The following USP25 variants were observed in gnomAD, a reference collection of about 807,000 sequenced individuals.
The protein encoded by USP25 is ubiquitin carboxyl-terminal hydrolase 25.
A neutral mutation model predicts 158.5 loss-of-function variants in USP25; 85 were observed. That is an observed-to-expected ratio of 0.54 (90% CI 0.45 to 0.64). USP25 has a LOEUF of 0.64. Among genes scored for constraint, USP25 ranks in the 30% least tolerant of loss-of-function variants. The pLI, the probability that USP25 is intolerant of heterozygous loss-of-function variation, is 0.00. For synonymous variants in USP25, 464 were observed against 460.4 expected (o/e 1.01, Z -0.10); for missense variants, 1,242 against 1,327.3 (o/e 0.94, Z 1.00).
chr21:15,804,940 CTTT>C (rs1247910089), intron 6 of USP25, among the ~76,000 whole-genome samples, 178 bp from the exon 7 acceptor site: 1 of 152,178 alleles, frequency 6.6e-6, no homozygotes, highest in Middle Eastern at 3.4e-3. Flanking sequence ...TGCTGGACTT[CTTT>C]GAGTCTCTTA....
chr21:15,751,211 G>T (rs1172132710), intron 1 of USP25, among the ~76,000 whole-genome samples: 1 of 152,168 alleles, frequency 6.6e-6, no homozygotes, highest in East Asian at 1.9e-4. Context: ...GGATGGCAGA[G>T]CAGTTTATAG....
At chr21:15,824,384 G>T (rs1285080351) in intron 11 of USP25, among the ~76,000 whole-genome samples, 1 of 152,068 alleles carries the variant, frequency 6.6e-6, no homozygotes, top group African/African-American at 2.4e-5. Flanking sequence ...GATGAATTTT[G>T]TAATCTTAAA....
chr21:15,854,472 C>T (rs1337700358), intron 20 of USP25, among the ~76,000 whole-genome samples: 1 of 151,936 alleles, frequency 6.6e-6, no homozygotes, highest in Non-Finnish European at 1.5e-5. Flanking sequence ...AATATCTCTT[C>T]TGTCCTGCCA....
intron 3 of USP25, among the ~76,000 whole-genome samples, chr21:15,771,427 A>G (rs1355076463): frequency 6.6e-6 from 1 of 152,168 alleles, no homozygotes; most frequent in Non-Finnish European, 1.5e-5. Flanking sequence ...GTATTTGTAC[A>G]GATACCTGAG....
intron 22 of USP25, among the ~76,000 whole-genome samples, chr21:15,867,425 A>G (rs972896146): frequency 1.1e-4 from 16 of 152,132 alleles, no homozygotes; most frequent in African/African-American, 3.9e-4. Flanking sequence ...TAAGGTAACT[A>G]CCTTAATTCA....
intron 5 of USP25, among the ~76,000 whole-genome samples, chr21:15,793,807 A>G (rs1307701048): frequency 2.6e-5 from 4 of 151,686 alleles, no homozygotes; most frequent in Admixed American, 6.6e-5. Flanking sequence ...TTTTATGGTA[A>G]TTTTAAAATC....
intron 3 of USP25, among the ~76,000 whole-genome samples, chr21:15,775,010 A>G (rs561596616): frequency 3.9e-5 from 6 of 152,278 alleles, no homozygotes; most frequent in South Asian, 4.1e-4. Flanking sequence ...CCAAGGATCA[A>G]TGGACCATAT....
At chr21:15,802,856 G>A (rs1974801309) in intron 6 of USP25, among the ~76,000 whole-genome samples, 1 of 151,512 alleles carries the variant, frequency 6.6e-6, no homozygotes, top group African/African-American at 2.4e-5. Context: ...GAAAATTATG[G>A]AACCAAAAAC....
intron 3 of USP25, among the ~76,000 whole-genome samples, chr21:15,777,222 AT>A (rs1260224176): frequency 6.6e-6 from 1 of 152,146 alleles, no homozygotes; most frequent in Non-Finnish European, 1.5e-5. Context: ...TGTATATTTC[AT>A]TTTTGTGAAA....
At chr21:15,773,473 GT>G (rs896842655) in intron 3 of USP25, among the ~76,000 whole-genome samples, 19 of 147,220 alleles carry the variant, frequency 1.3e-4, no homozygotes, top group Non-Finnish European at 1.5e-4. Flanking sequence ...AGGTCTTCTG[GT>G]TTTTTTTTTT....
intron 20 of USP25, among the ~76,000 whole-genome samples, chr21:15,863,067 T>A (rs2039502369): frequency 6.6e-6 from 1 of 152,020 alleles, no homozygotes; most frequent in African/African-American, 2.4e-5. Context: ...TTTATGCTTA[T>A]TAGAGCTAGA....
chr21:15,753,294 A>G (rs2033155077), intron 1 of USP25, among the ~76,000 whole-genome samples: 1 of 152,158 alleles, frequency 6.6e-6, no homozygotes, highest in African/African-American at 2.4e-5. Flanking sequence ...GCATGTTGCG[A>G]GGGTCTGTCA....
chr21:15,847,683 C>A lies in USP25; in HGVS notation c.2358C>A (p.Ser786Arg). The A allele has an allele frequency of 6.5e-7, 1 of 1,549,848 alleles. No homozygotes were observed. Among genetic ancestry groups the A allele is most frequent in the Non-Finnish European group, 8.7e-7 (1 of 1,146,474 alleles). ...VLQSKPENTT[S>R]QPLSNQRVVE... ...TGCAGAAACCTGAAAATACTACAAGCCAACCACTTTCTAATCAGCGAGTTG... is the reference window on the plus strand; with the variant it reads ...TGCAGAAACCTGAAAATACTACAAGACAACCACTTTCTAATCAGCGAGTTG... The change falls in exon 19 of 26, where the codon AGC (serine) becomes AGA (arginine). Residue 786 changes from serine (S) to arginine (R), a missense_variant. Physicochemically the swap from Ser to Arg is moderately radical, Grantham distance 110. Transcript: ENST00000400183.
At chr21:15,827,262 T>A in intron 14 of USP25, 59 bp downstream of exon 14, 1 of 1,332,964 alleles carries the variant, frequency 7.5e-7, no homozygotes, top group African/African-American at 1.5e-5. Context: ...GTAATGTTAA[T>A]ATTGAGAAGG....
At chr21:15,799,151 T>G (rs2036006747) in intron 5 of USP25, among the ~76,000 whole-genome samples, 2 of 151,218 alleles carry the variant, frequency 1.3e-5, no homozygotes, top group Non-Finnish European at 1.5e-5. Context: ...AGTAAATGGT[T>G]GCAAACTACA....
chr21:15,791,310 A>G (rs1861946918), intron 4 of USP25, among the ~76,000 whole-genome samples, 192 bp from the exon 5 acceptor site: 1 of 151,890 alleles, frequency 6.6e-6, no homozygotes, highest in African/African-American at 2.4e-5. Flanking sequence ...TTTCTTAGGA[A>G]AAAAGACTAT....
intron 4 of USP25, among the ~76,000 whole-genome samples, chr21:15,789,248 G>A (rs1012839348): frequency 3.9e-5 from 6 of 152,082 alleles, no homozygotes; most frequent in Non-Finnish European, 8.8e-5. Flanking sequence ...GAAGACGGGC[G>A]TAAAGGAATT....
chr21:15,877,650 A>G (rs1354373765), intron 24 of USP25, 146 bp from the exon 25 acceptor site: 3 of 587,740 alleles, frequency 5.1e-6, no homozygotes, highest in South Asian at 2.5e-5. Context: ...AGTTCTAGAT[A>G]GGTTGAGATT....
chr21:15,795,944 T>C (rs1365104436), intron 5 of USP25, among the ~76,000 whole-genome samples: 2 of 151,534 alleles, frequency 1.3e-5, no homozygotes, highest in South Asian at 4.1e-4. Context: ...GTAGGCAGTT[T>C]ATGTTTCATT....
Sources: allele counts gnomAD v4.1 joint callset (sites outside exome capture counted in the v4.1 genomes callset), GRCh38; gene constraint gnomAD v4.1.1; transcripts MANE v1.5; gene names NCBI Gene and HGNC (gene_info 2026-07-23, HGNC 2026-07-21).